Variants in MAPK4 observed in about 807,000 individuals in gnomAD.
MAPK4 encodes Erk3-related.
In MAPK4, 22 loss-of-function variants were observed where a neutral mutation model predicts 47.7. That is an observed-to-expected ratio of 0.46 (90% CI 0.33 to 0.66). The LOEUF (loss-of-function observed/expected upper bound fraction) is 0.66, where lower values mean the gene tolerates loss of function less well. Ranked by LOEUF, MAPK4 falls within the 30% of genes least tolerant of loss-of-function variation. The pLI is 0.02. For synonymous variants in MAPK4, 390 were observed against 365.7 expected, an observed-to-expected ratio of 1.07 and a Z score of -0.76; for missense variants, 736 against 831.7, an observed-to-expected ratio of 0.88 and a Z score of 1.42.
chr18:50,597,719 T>C lies in MAPK4; in HGVS notation c.-871+37476T>C, dbSNP rs542764423. 8.2e-4 allele frequency among the ~76,000 whole-genome samples: 125 copies of C among 152,316 alleles called. 1 individual carries two copies. The highest frequency in any genetic ancestry group is 9.0e-4 in the Non-Finnish European group (61 of 68,030). The stretch of plus-strand genomic sequence containing the variant: ...ATATGGGGGAAATGCCTAATATATG[T>C]GCTTGTTTGAGAAACCATACCTAGA... On this transcript the variant is annotated intron_variant, in intron 1 of 5. Transcript: ENST00000400384.
chr18:50,674,827 A>T (rs540359992), intron 2 of MAPK4, among the ~76,000 whole-genome samples: 2 of 152,320 alleles, frequency 1.3e-5, no homozygotes, highest in South Asian at 4.1e-4. Flanking sequence ...GGCACCTAGC[A>T]TAGTATCTGA....
chr18:50,727,103 G>A (rs570000542), intron 5 of MAPK4, among the ~76,000 whole-genome samples: 2 of 152,340 alleles, frequency 1.3e-5, no homozygotes, highest in African/African-American at 4.8e-5. Context: ...TTGGGTAGAA[G>A]ATGTATTTTT....
rs2144437196 is a variant in MAPK4 at position 50,715,081 on chromosome 18, T to G, written c.549T>G (p.Gly183=). 1 of 1,613,360 alleles carries G rather than the reference T, an allele frequency of 6.2e-7. No homozygotes were observed. The highest frequency in any genetic ancestry group is 1.1e-5 in the South Asian group (1 of 90,846). ...GAACCAGAAATTTTGTCTTTCAGGG[T>G]TATCTGTCAGAAGGGTTGGTAACAA... is the stretch of plus-strand genomic sequence containing the variant. ...RIVDQHYSHK[G]YLSEGLVTKW... Residue 183 remains glycine (G), a splice_region_variant and synonymous_variant, in exon 3 of 6, where the codon GGT becomes GGG. Transcript: ENST00000400384.
intron 2 of MAPK4, chr18:50,705,574 C>G (rs7504216): frequency 6.6e-6 from 1 of 152,210 alleles, no homozygotes; most frequent in Non-Finnish European, 1.5e-5. Context: ...CCTCCCCTCC[C>G]TAATGTGCTC....
chr18:50,577,228 T>C (rs1362950810), intron 1 of MAPK4, among the ~76,000 whole-genome samples: 1 of 152,212 alleles, frequency 6.6e-6, no homozygotes, highest in Non-Finnish European at 1.5e-5. Context: ...TTGGCTGCGT[T>C]AGAATCACCT....
intron 5 of MAPK4, among the ~76,000 whole-genome samples, chr18:50,728,453 G>C (rs1911324647): frequency 6.6e-6 from 1 of 152,208 alleles, no homozygotes; most frequent in Non-Finnish European, 1.5e-5. Flanking sequence ...CCCCCAAGCA[G>C]ATCCACCAGG....
chr18:50,647,815 C>G (rs889685313), intron 1 of MAPK4, among the ~76,000 whole-genome samples: 1 of 152,082 alleles, frequency 6.6e-6, no homozygotes, highest in African/African-American at 2.4e-5. Flanking sequence ...CCTCTTAAGC[C>G]TCTGCTGTCA....
chr18:50,724,250 A>G (rs933033114), intron 4 of MAPK4, among the ~76,000 whole-genome samples: 1 of 152,128 alleles, frequency 6.6e-6, no homozygotes, highest in Admixed American at 6.5e-5. Context: ...CTTGCTAGAA[A>G]CAAGCCCAGG....
At chr18:50,560,894 AGCCTCCTCCCGG>A (rs1368936594) in intron 1 of MAPK4, 10 of 152,338 alleles carry the variant, frequency 6.6e-5, no homozygotes, top group African/African-American at 2.2e-4. Context: ...CGGCTCCCTG[AGCCTCCTCCCGG>A]GTTGCTCTCT....
At chr18:50,603,947 A>G (rs1343985239) in intron 1 of MAPK4, among the ~76,000 whole-genome samples, 1 of 152,206 alleles carries the variant, frequency 6.6e-6, no homozygotes, top group Non-Finnish European at 1.5e-5. Context: ...CTTGGTTTAC[A>G]AGGAGTTCTA....
chr18:50,648,108 A>G (rs187267809), intron 1 of MAPK4, among the ~76,000 whole-genome samples: 2,226 of 151,746 alleles, frequency 0.015, 25 homozygotes, highest in Non-Finnish European at 0.023. Context: ...CCAGAGAGAG[A>G]GAGAGAGAGA....
chr18:50,635,751 T>C lies in MAPK4; in HGVS notation c.-870-27338T>C, dbSNP rs150896803. On this transcript the variant is annotated intron_variant, in intron 1 of 5. Coordinates refer to ENST00000400384, the MANE Select transcript of MAPK4 (RefSeq NM_002747.4). ...ATTCAACAAGGCCCCTGCAGTCTGG[T>C]CCACAGGCCCCCATGGTCTGGTCCA... is the stretch of plus-strand genomic sequence containing the variant. Among the ~76,000 whole-genome samples, 466 of 152,262 alleles carry C rather than the reference T, an allele frequency of 3.1e-3. 3 individuals carry two copies. Among genetic ancestry groups the C allele is most frequent in the African/African-American group, 0.01 (429 of 41,566 alleles).
At chr18:50,719,213 G>C (rs1002688141) in intron 3 of MAPK4, among the ~76,000 whole-genome samples, 1 of 152,020 alleles carries the variant, frequency 6.6e-6, no homozygotes, top group Non-Finnish European at 1.5e-5. Context: ...ACTCTCAGGA[G>C]CCCCTACAGT....
chr18:50,586,822 T>C (rs1421239726), intron 1 of MAPK4, among the ~76,000 whole-genome samples: 5 of 152,194 alleles, frequency 3.3e-5, no homozygotes, highest in Non-Finnish European at 4.4e-5. Context: ...CTTTCATATA[T>C]GCTTGGTAAT....
intron 1 of MAPK4, among the ~76,000 whole-genome samples, chr18:50,579,475 G>A (rs1162522568): frequency 6.6e-6 from 1 of 152,228 alleles, no homozygotes; most frequent in Non-Finnish European, 1.5e-5. Flanking sequence ...TGAGAGGTAT[G>A]TGTGGAAGTG....
chr18:50,655,915 G>A (rs73959990), intron 1 of MAPK4, among the ~76,000 whole-genome samples: 3,608 of 152,224 alleles, frequency 0.024, 133 homozygotes, highest in African/African-American at 0.083. Context: ...AGCCATTCCT[G>A]TGTCCACTGA....
Position 50,631,695 on chromosome 18 carries a change from A to T in MAPK4, c.-870-31394A>T, listed in dbSNP as rs146988357. ...CTGATGCCCCTTGAATTGTTATTTT[A>T]ACTCTCCATGTGTGGCCCCCAGATG... On this transcript the variant is annotated intron_variant, in intron 1 of 5. Transcript: ENST00000400384. Among the ~76,000 whole-genome samples the T allele has an allele frequency of 2.9e-3, 446 of 152,212 alleles. 2 individuals are homozygous for T. The highest frequency in any genetic ancestry group is 4.1e-3 in the Non-Finnish European group (279 of 68,002).
chr18:50,568,206 A>G (rs2042218821), intron 1 of MAPK4, among the ~76,000 whole-genome samples: 1 of 152,028 alleles, frequency 6.6e-6, no homozygotes, highest in Non-Finnish European at 1.5e-5. Context: ...AAAAAAAAAA[A>G]AAAAGAAAAA....
chr18:50,581,879 CTT>C (rs2042348985), intron 1 of MAPK4, among the ~76,000 whole-genome samples: 1 of 152,206 alleles, frequency 6.6e-6, no homozygotes, highest in South Asian at 2.1e-4. Flanking sequence ...GCAAATGAAA[CTT>C]TTAATAATAA....
Sources: gnomAD v4.1 joint callset for allele counts (sites outside exome capture counted in the v4.1 genomes callset) on GRCh38, gnomAD v4.1.1 for gene constraint, MANE v1.5 for transcripts, NCBI Gene and HGNC (gene_info 2026-07-23, HGNC 2026-07-21) for gene names.